HERC1: variants seen among roughly 807,000 people sequenced by gnomAD.
HERC1 encodes HECT and RLD domain containing E3 ubiquitin protein ligase family member 1.
HERC1 carries 160 observed loss-of-function variants against 554.3 expected under a neutral mutation model. The ratio of observed to expected loss-of-function variants is 0.29; its 90% CI spans 0.25 to 0.33. The LOEUF (loss-of-function observed/expected upper bound fraction) is 0.33. HERC1 is among the 10% of genes least tolerant of loss of function. The probability of loss-of-function intolerance (pLI) is 1.00; values close to 1 mark genes in which losing one functional copy is unlikely to be tolerated. For synonymous variants in HERC1, 2,175 were observed against 2,131.7 expected (o/e 1.02, Z -0.56); for missense variants, 4,919 against 5,918.5 (o/e 0.83, Z 5.54).
intron 34 of HERC1, among the ~76,000 whole-genome samples, chr15:63,682,902 G>A (rs960144331): frequency 1.6e-4 from 24 of 151,730 alleles, no homozygotes; most frequent in African/African-American, 3.9e-4. Context: ...TTGGGAGGCC[G>A]AGGCAGGCAG....
intron 24 of HERC1, among the ~76,000 whole-genome samples, chr15:63,709,554 G>A (rs1032558689): frequency 6.6e-6 from 1 of 152,148 alleles, no homozygotes; most frequent in Admixed American, 6.5e-5. Context: ...AGAAACTGGA[G>A]CTCAGGAAGG....
intron 48 of HERC1, 81 bp downstream of exon 48, chr15:63,658,463 A>G (rs988192449): frequency 1.2e-5 from 15 of 1,251,758 alleles, no homozygotes; most frequent in South Asian, 6.3e-5. Context: ...ATTCTATCTC[A>G]CCCTCCCAAA....
At chr15:63,662,172 T>G (rs2070391431) in intron 44 of HERC1, among the ~76,000 whole-genome samples, 151 bp from the exon 45 acceptor site, 1 of 152,194 alleles carries the variant, frequency 6.6e-6, no homozygotes, top group Admixed American at 6.5e-5. Context: ...TTCTTTCAAA[T>G]CAGAATTCAG....
chr15:63,796,911 T>TA (rs2076831135), intron 1 of HERC1, among the ~76,000 whole-genome samples: 3 of 152,154 alleles, frequency 2.0e-5, no homozygotes, highest in African/African-American at 7.2e-5. Flanking sequence ...TTATCAGACT[T>TA]AAAGAGTCTT....
At chr15:63,661,730 A>G (rs1288688591) in intron 45 of HERC1, 23 bp downstream of exon 45, 1 of 1,611,494 alleles carries the variant, frequency 6.2e-7, no homozygotes, top group East Asian at 2.2e-5. Context: ...GGAGGTCTGG[A>G]TATCTACACA....
chr15:63,728,089 T>G (rs1269689193), intron 16 of HERC1, among the ~76,000 whole-genome samples: 1 of 152,190 alleles, frequency 6.6e-6, no homozygotes, highest in African/African-American at 2.4e-5. Context: ...CTGTTTTCCT[T>G]AAAATTCATT....
At chr15:63,806,574 T>A (rs1221685561) in intron 1 of HERC1, among the ~76,000 whole-genome samples, 2 of 152,172 alleles carry the variant, frequency 1.3e-5, no homozygotes, top group Admixed American at 1.3e-4. Flanking sequence ...TGCCCTACTC[T>A]TTTGTCCCTT....
chr15:63,711,417 T>A (rs770325810), intron 24 of HERC1, among the ~76,000 whole-genome samples: 2 of 152,096 alleles, frequency 1.3e-5, no homozygotes, highest in Admixed American at 6.5e-5. Flanking sequence ...CACAGGAATC[T>A]CACTAGACTA....
Position 63,708,587 on chromosome 15 carries a change from T to C in HERC1, c.4585-1756A>G, listed in dbSNP as rs146585741. On this transcript the variant is annotated intron_variant, in intron 24 of 77. Transcript: ENST00000443617. ...GTCAAACAGTTAAACTTAGGGTTGG[T>C]ATTCTCTGTTTTAGCAAGCAGAGAA... 1.8e-4 allele frequency among the ~76,000 whole-genome samples: 27 copies of C among 152,372 alleles called. No individual in the cohort carries two copies. The East Asian group carries it at 3.5e-3, about 20-fold the overall frequency.
rs1340292276 is a variant in HERC1, at chr15:63,732,988, T to C, written c.2804A>G (p.His935Arg). The change falls in exon 14 of 78, where the codon CAT (histidine) becomes CGT (arginine). Residue 935 changes from histidine to arginine, a missense_variant. His to Arg is a conservative substitution (Grantham distance 29). Around this residue, in one of 11 missense-constraint regions of HERC1, gnomAD observed 744 missense variants for 1,090.0 expected, o/e 0.68. Transcript: ENST00000443617. ...SDQPYGTQSC[H>R]PDTHLAEILM... Reference sequence around the variant, plus strand: ...AATTTCAGCCAGGTGGGTATCTGGATGGCAGCTCTGAGTGCCGTAAGGTTG... The same window carrying C: ...AATTTCAGCCAGGTGGGTATCTGGACGGCAGCTCTGAGTGCCGTAAGGTTG... 3 of 1,613,916 alleles carry C rather than the reference T, an allele frequency of 1.9e-6. No individual in the cohort carries two copies. Among genetic ancestry groups the C allele is most frequent in the East Asian group, 2.2e-5 (1 of 44,900 alleles).
At chr15:63,662,046 A>G (rs1158603407) in intron 44 of HERC1, 25 bp from the exon 45 acceptor site, 1 of 1,595,634 alleles carries the variant, frequency 6.3e-7, no homozygotes. Flanking sequence ...TTCATACCAA[A>G]TGATTAGTCA....
chr15:63,707,625 A>C (rs2073078878), intron 24 of HERC1, among the ~76,000 whole-genome samples: 1 of 152,172 alleles, frequency 6.6e-6, no homozygotes, highest in African/African-American at 2.4e-5. Context: ...GTGTCAAAGA[A>C]GGCCCGGAAG....
chr15:63,694,047 A>T lies in HERC1; in HGVS notation c.5591T>A (p.Phe1864Tyr). The change falls in exon 30 of 78, where the codon TTC (phenylalanine) becomes TAC (tyrosine). Residue 1864 changes from phenylalanine to tyrosine, a missense_variant. Coordinates refer to ENST00000443617, the MANE Select transcript of HERC1 (RefSeq NM_003922.4). This position sits in a 1 kb window ranked among gnomAD's most constrained non-coding sequence, Gnocchi z 4.3. ...SQTGVLHMASFGEGEQEDGEE... is the reference protein window; with the variant it reads ...SQTGVLHMASYGEGEQEDGEE... The stretch of plus-strand genomic sequence containing the variant: ...ACCGTCTTCTTGCTCCCCTTCTCCG[A>T]AAGAGGCCATATGTAGTACACCAGT... 4 of 1,604,138 alleles carry T rather than the reference A, an allele frequency of 2.5e-6. No homozygotes were observed. Among genetic ancestry groups the T allele is most frequent in the Non-Finnish European group, 3.4e-6 (4 of 1,174,878 alleles).
In HERC1 at chr15:63,608,892, T is replaced by G; in HGVS notation, c.*189A>C. ...GAGAGCACTTCGTTTTTGTTGTTTT[T>G]GTACAATCACAGAAAAATAAAAACA... On this transcript the variant is annotated 3_prime_UTR_variant, in exon 78 of 78. Coordinates refer to ENST00000443617, the MANE Select transcript of HERC1 (RefSeq NM_003922.4). The G allele has an allele frequency of 2.0e-6, 1 of 491,378 alleles. No homozygotes were observed. Among genetic ancestry groups the G allele is most frequent in the South Asian group, 5.1e-5 (1 of 19,724 alleles). The allele number at this position is 491,378 out of a possible 1,614,324, so 30.4% of individuals were successfully genotyped here.
intron 1 of HERC1, among the ~76,000 whole-genome samples, chr15:63,828,861 T>C (rs59407137): frequency 0.027 from 4,077 of 152,274 alleles, 70 homozygotes; most frequent in African/African-American, 0.051. Flanking sequence ...TGGAAAACTA[T>C]TTTGACTAGA....
intron 50 of HERC1, among the ~76,000 whole-genome samples, chr15:63,654,615 G>A (rs902016688): frequency 2.6e-5 from 4 of 152,050 alleles, no homozygotes; most frequent in African/African-American, 9.7e-5. Flanking sequence ...TGCTTTGGGA[G>A]GCCAAGGTGG....
intron 3 of HERC1, among the ~76,000 whole-genome samples, chr15:63,762,452 T>G (rs2075642439): frequency 6.6e-6 from 1 of 152,128 alleles, no homozygotes. Flanking sequence ...GCCTCCTGAG[T>G]AGCTGGGATT....
intron 76 of HERC1, among the ~76,000 whole-genome samples, chr15:63,615,191 G>A (rs1345435450): frequency 1.3e-5 from 2 of 152,166 alleles, no homozygotes; most frequent in African/African-American, 2.4e-5. Flanking sequence ...GGAGTAAGAA[G>A]GCAAGGTCTG....
Position 63,651,459 on chromosome 15 carries a change from G to C in HERC1, c.10419-79C>G, listed in dbSNP as rs907752846. On this transcript the variant is annotated intron_variant, in intron 52 of 77. Coordinates refer to ENST00000443617, the MANE Select transcript of HERC1 (RefSeq NM_003922.4). Reference sequence around the variant, plus strand: ...TTAAATCCCAAACCTTAAAATAAGGGTTTCATATAGACTAGAGTGTATAAC... The same window carrying C: ...TTAAATCCCAAACCTTAAAATAAGGCTTTCATATAGACTAGAGTGTATAAC... 2.9e-6 allele frequency: 4 copies of C among 1,381,234 alleles called. No homozygotes were observed. In the South Asian group the frequency reaches 3.9e-5, roughly 14 times the overall value. The allele number at this position is 1,381,234 out of a possible 1,614,324, so 85.6% of individuals were successfully genotyped here.
Sources: gnomAD v4.1 joint callset for allele counts (sites outside exome capture counted in the v4.1 genomes callset) on GRCh38, gnomAD v4.1.1 for gene constraint, gnomAD v4.1.1 regional missense constraint, Gnocchi (gnomAD v3.1) non-coding constraint, MANE v1.5 for transcripts, NCBI Gene and HGNC (gene_info 2026-07-23, HGNC 2026-07-21) for gene names.